Variants in TBR1 observed in about 807,000 individuals in gnomAD.
TBR1 encodes the protein T-box brain transcription factor 1, also known as T-box brain protein 1.
In TBR1, 7 loss-of-function variants were observed where a neutral mutation model predicts 60.3. That is an observed-to-expected ratio of 0.12 (90% CI 0.07 to 0.22). The LOEUF (loss-of-function observed/expected upper bound fraction) is 0.22. Ranked by LOEUF, TBR1 falls within the 10% of genes least tolerant of loss-of-function variation. The pLI is 1.00. For missense variants in TBR1, 616 were observed against 936.8 expected, an observed-to-expected ratio of 0.66 and a Z score of 4.47; for synonymous variants, 417 against 409.9, an observed-to-expected ratio of 1.02 and a Z score of -0.21.
chr2:161,423,606 G>C lies in TBR1; in HGVS notation c.1428G>C (p.Pro476=). ...GLLSPQQAED[P]GAPSPQRWFV... Reference sequence around the variant, plus strand: ...TGTCGCCGCAGCAGGCCGAGGACCCGGGCGCGCCCTCGCCGCAACGCTGGT... The same window carrying C: ...TGTCGCCGCAGCAGGCCGAGGACCCCGGCGCGCCCTCGCCGCAACGCTGGT... Residue 476 remains proline (P), a synonymous_variant, in exon 6 of 6, where the codon CCG becomes CCC. Coordinates refer to ENST00000389554, the MANE Select transcript of TBR1 (RefSeq NM_006593.4). 6.5e-7 allele frequency: 1 copy of C among 1,532,288 alleles called. No individual in the cohort carries two copies. Among genetic ancestry groups the C allele is most frequent in the South Asian group, 1.2e-5 (1 of 82,300 alleles). 94.9% of individuals were successfully genotyped at this position (1,532,288 alleles called of 1,614,324 possible). A position where few individuals can be genotyped will look rare whatever the true frequency, so the allele number is the denominator to read the frequency against.
chr2:161,420,274 C>T lies in TBR1; in HGVS notation c.1190+17C>T, dbSNP rs1258985815. ...TTATGACACGTAAGTAACTTTGTAT[C>T]TTCCTTTTCAAATAGCTGTGGAATT... is the stretch of plus-strand genomic sequence containing the variant. On this transcript the variant is annotated intron_variant, in intron 5 of 5. Coordinates refer to ENST00000389554, the MANE Select transcript of TBR1 (RefSeq NM_006593.4). 1 of 1,607,186 alleles carries T rather than the reference C, an allele frequency of 6.2e-7. No individual in the cohort carries two copies. The highest frequency in any genetic ancestry group is 8.5e-7 in the Non-Finnish European group (1 of 1,174,476).
Position 161,416,942 on chromosome 2 carries a change from C to G in TBR1, c.532C>G (p.Gln178Glu), listed in dbSNP as rs771354583. The G allele has an allele frequency of 4.9e-5, 79 of 1,614,102 alleles. No homozygotes were observed. The highest frequency in any genetic ancestry group is 6.6e-5 in the Non-Finnish European group (78 of 1,180,054). The change falls in exon 1 of 6, where the codon CAG becomes GAG. Residue 178 changes from glutamine to glutamate, a missense_variant. Physicochemically the swap from Gln to Glu is conservative, Grantham distance 29. Transcript: ENST00000389554. This position sits in a 1 kb window ranked among gnomAD's most constrained non-coding sequence, Gnocchi z 6.1. ...CCCCACGGCCGGCTACCCCTACCCA[C>G]AGCAGTACGGCCACTCCTACCAAGG... ...GYPTAGYPYPQQYGHSYQGAP... is the reference protein window; with the variant it reads ...GYPTAGYPYPEQYGHSYQGAP...
In TBR1 at chr2:161,416,528, A is replaced by G; in HGVS notation, c.118A>G (p.Ile40Val). 2 of 1,614,162 alleles carry G rather than the reference A, an allele frequency of 1.2e-6. No individual in the cohort carries two copies. Among genetic ancestry groups the G allele is most frequent in the Non-Finnish European group, 1.7e-6 (2 of 1,180,028 alleles). Reference sequence around the variant, plus strand: ...GCTTGTCTTGCACGATCATCCCATTATCTCGACCACTGACAACCTGGAGAG... The same window carrying G: ...GCTTGTCTTGCACGATCATCCCATTGTCTCGACCACTGACAACCTGGAGAG... Reference protein sequence around the residue: ...SELVLHDHPIISTTDNLERSS... With the variant: ...SELVLHDHPIVSTTDNLERSS... Residue 40 changes from isoleucine (I) to valine (V), a missense_variant, in exon 1 of 6, where the codon ATC becomes GTC. Ile to Val is a conservative substitution (Grantham distance 29). This residue lies in a region of TBR1 where 211 missense variants were observed against 268.7 expected (regional missense o/e 0.79). Coordinates refer to ENST00000389554, the MANE Select transcript of TBR1 (RefSeq NM_006593.4). The surrounding 1 kb of genome is among the most constrained non-coding windows in gnomAD (Gnocchi z 6.1).
chr2:161,423,548 C>G lies in TBR1; in HGVS notation c.1370C>G (p.Thr457Arg). The G allele has an allele frequency of 6.4e-7, 1 of 1,565,296 alleles. No individual in the cohort carries two copies. Among genetic ancestry groups the G allele is most frequent in the Non-Finnish European group, 8.6e-7 (1 of 1,159,388 alleles). ...GCGGGCGCGGGCCCCGGGCCGGGTA[C>G]GGACCGCAGCGTGCCGCACACCAAC... ...PGAGAGPGPG[T>R]DRSVPHTNGL... is the part of the protein sequence containing the mutation. Residue 457 changes from threonine (T) to arginine (R), a missense_variant, in exon 6 of 6, where the codon ACG (threonine) becomes AGG (arginine). Physicochemically the swap from Thr to Arg is moderately conservative, Grantham distance 71. Around this residue, in one of 8 missense-constraint regions of TBR1, gnomAD observed 80 missense variants for 75.3 expected, o/e 1.06. Transcript: ENST00000389554.
Position 161,423,780 on chromosome 2 carries a change from C to G in TBR1, c.1602C>G (p.Arg534=), listed in dbSNP as rs1392395219. 6.8e-7 allele frequency: 1 copy of G among 1,477,794 alleles called. No individual in the cohort carries two copies. The highest frequency in any genetic ancestry group is 2.3e-5 in the Admixed American group (1 of 43,930). The allele number at this position is 1,477,794 out of a possible 1,614,324, so 91.5% of individuals were successfully genotyped here. The change falls in exon 6 of 6, where the codon CGC becomes CGG. Residue 534 remains arginine, a synonymous_variant. Transcript: ENST00000389554. ...LPLQAAGCTG[R]PLGYYADPSG... Reference sequence around the variant, plus strand: ...TGCAGGCTGCAGGCTGCACTGGCCGCCCGCTCGGCTACTACGCCGACCCGT... The same window carrying G: ...TGCAGGCTGCAGGCTGCACTGGCCGGCCGCTCGGCTACTACGCCGACCCGT...
intron 3 of TBR1, chr2:161,418,548 G>T: frequency 1.7e-6 from 1 of 588,680 alleles, no homozygotes. Context: ...ACCTTCCCAA[G>T]TACTAATACT....
intron 5 of TBR1, chr2:161,421,513 G>A (rs926356613): frequency 1.3e-5 from 2 of 152,228 alleles, no homozygotes; most frequent in African/African-American, 4.8e-5. Flanking sequence ...TATGGCTCAA[G>A]AGACTAGAGA....
At chr2:161,420,339 T>C in intron 5 of TBR1, 82 bp downstream of exon 5, 1 of 1,141,238 alleles carries the variant, frequency 8.8e-7, no homozygotes, top group Non-Finnish European at 1.3e-6. Flanking sequence ...TACAAGGATT[T>C]TGAAAGCTGG....
rs747026109 is a variant in TBR1 at position 161,418,271 on chromosome 2, T to C, written c.918T>C (p.Phe306=). The C allele has an allele frequency of 5.0e-6, 8 of 1,614,020 alleles. No homozygotes were observed. The highest frequency in any genetic ancestry group is 1.7e-5 in the Admixed American group (1 of 60,004). Residue 306 remains phenylalanine (F), a synonymous_variant, in exon 3 of 6, where the codon TTT becomes TTC. Coordinates refer to ENST00000389554, the MANE Select transcript of TBR1 (RefSeq NM_006593.4). ...GAHWMRQEIS[F]GKLKLTNNKG... ...ACTGGATGCGCCAAGAAATCTCTTT[T>C]GGAAAATTAAAACTTACGAACAACA...
Position 161,424,350 on chromosome 2 carries a change from T to C in TBR1, c.*123T>C, listed in dbSNP as rs899578393. On this transcript the variant is annotated 3_prime_UTR_variant, in exon 6 of 6. Coordinates refer to ENST00000389554, the MANE Select transcript of TBR1 (RefSeq NM_006593.4). The surrounding 1 kb of genome is among the most constrained non-coding windows in gnomAD (Gnocchi z 4.4). ...CCCACTCATTTTATTTGACCCTCGA[T>C]GGCCGTCTGCAGCGAATAAGTGCAG... 22 of 1,105,910 alleles carry C rather than the reference T, an allele frequency of 2.0e-5. No individual in the cohort carries two copies. The highest frequency in any genetic ancestry group is 2.8e-5 in the Admixed American group (1 of 35,820). The allele number at this position is 1,105,910 out of a possible 1,614,324, so 68.5% of individuals were successfully genotyped here. A position where few individuals can be genotyped will look rare whatever the true frequency, so the allele number is the denominator to read the frequency against.
In TBR1 at chr2:161,417,985, G is replaced by C; in HGVS notation, c.847+155G>C. The C allele has an allele frequency of 2.8e-6, 4 of 1,452,718 alleles. No homozygotes were observed. The highest frequency in any genetic ancestry group is 3.6e-6 in the Non-Finnish European group (4 of 1,102,976). 90.0% of individuals were successfully genotyped at this position (1,452,718 alleles called of 1,614,324 possible). A position where few individuals can be genotyped will look rare whatever the true frequency, so the allele number is the denominator to read the frequency against. The stretch of plus-strand genomic sequence containing the variant: ...GACAGGGGGACAGACTGAGCTGCGA[G>C]AAGGGGGAGGATTATGCAAAAGCTA... On this transcript the variant is annotated intron_variant, in intron 2 of 5. Transcript: ENST00000389554. This position sits in a 1 kb window ranked among gnomAD's most constrained non-coding sequence, Gnocchi z 5.3.
rs775187265 is a variant in TBR1, at chr2:161,416,933, C to T, written c.523C>T (p.Pro175Ser). 4 of 1,614,154 alleles carry T rather than the reference C, an allele frequency of 2.5e-6. No homozygotes were observed. Among genetic ancestry groups the T allele is most frequent in the African/African-American group, 2.7e-5 (2 of 75,052 alleles). The change falls in exon 1 of 6, where the codon CCC (proline) becomes TCC (serine). Residue 175 changes from proline (P) to serine (S), a missense_variant. Physicochemically the swap from Pro to Ser is moderately conservative, Grantham distance 74. Coordinates refer to ENST00000389554, the MANE Select transcript of TBR1 (RefSeq NM_006593.4). The surrounding 1 kb of genome is among the most constrained non-coding windows in gnomAD (Gnocchi z 6.1). ...SPQGYPTAGY[P>S]YPQQYGHSYQ... ...GCAGGGATACCCCACGGCCGGCTACCCCTACCCACAGCAGTACGGCCACTC... is the reference window on the plus strand; with the variant it reads ...GCAGGGATACCCCACGGCCGGCTACTCCTACCCACAGCAGTACGGCCACTC...
intron 4 of TBR1, 74 bp from the exon 5 acceptor site, chr2:161,420,122 C>A: frequency 7.7e-7 from 1 of 1,299,200 alleles, no homozygotes; most frequent in Non-Finnish European, 1.1e-6. Context: ...GTAAAAGTGG[C>A]AGATGATATA....
intron 3 of TBR1, 76 bp from the exon 4 acceptor site, chr2:161,418,816 C>T: frequency 1.3e-6 from 2 of 1,527,262 alleles, no homozygotes; most frequent in Non-Finnish European, 1.8e-6. Context: ...GGGCGCGCAG[C>T]CGGGCGCACA....
intron 4 of TBR1, chr2:161,419,886 C>A (rs1269523212): frequency 1.1e-5 from 2 of 180,046 alleles, no homozygotes; most frequent in Non-Finnish European, 2.3e-5. Flanking sequence ...TTTGTCTGAA[C>A]AAGTGCATTG....
intron 2 of TBR1, 47 bp from the exon 3 acceptor site, chr2:161,418,154 C>A (rs747199724): frequency 3.8e-6 from 6 of 1,570,286 alleles, no homozygotes; most frequent in Non-Finnish European, 5.2e-6. Context: ...GGAGCTGGGA[C>A]TGGGCAGTGC....
chr2:161,421,965 C>CACACACAA (rs1684239388), intron 5 of TBR1: 1 of 151,122 alleles, frequency 6.6e-6, no homozygotes, highest in Non-Finnish European at 1.5e-5. Flanking sequence ...CACACACACA[C>CACACACAA]AAACCTGAGA....
At chr2:161,419,183 T>C (rs1684185264) in intron 4 of TBR1, 133 bp downstream of exon 4, 2 of 1,398,676 alleles carry the variant, frequency 1.4e-6, no homozygotes, top group Admixed American at 2.3e-5. Context: ...GCTGTGCGTT[T>C]TAAGGCTTAG....
chr2:161,417,028 G>C lies in TBR1; in HGVS notation c.618G>C (p.Val206=), dbSNP rs1210734179. ...QPGLVPGKAQ[V]YLCNRPLWLK... is the part of the protein sequence containing the mutation. ...GGCTGGTGCCCGGCAAAGCACAGGT[G>C]TACCTGTGCAACAGGCCCCTTTGGC... Residue 206 remains valine (V), a synonymous_variant, in exon 1 of 6, where the codon GTG becomes GTC. Coordinates refer to ENST00000389554, the MANE Select transcript of TBR1 (RefSeq NM_006593.4). The surrounding 1 kb of genome is among the most constrained non-coding windows in gnomAD (Gnocchi z 5.3). 1 of 1,613,918 alleles carries C rather than the reference G, an allele frequency of 6.2e-7. No individual in the cohort carries two copies.
Sources: allele counts gnomAD v4.1 joint callset, GRCh38; gene constraint gnomAD v4.1.1; regional missense constraint gnomAD v4.1.1; non-coding constraint Gnocchi (gnomAD v3.1); transcripts MANE v1.5; gene names NCBI Gene and HGNC (gene_info 2026-07-23, HGNC 2026-07-21).